The following TCF4 variants were observed in gnomAD, a reference collection of about 807,000 sequenced individuals.
TCF4 encodes transcription factor 4.
A neutral mutation model predicts 82.1 loss-of-function variants in TCF4; 3 were observed. That is an observed-to-expected ratio of 0.04 (90% CI 0.02 to 0.09). The LOEUF (loss-of-function observed/expected upper bound fraction) is 0.09, where lower values mean the gene tolerates loss of function less well. Among genes scored for constraint, TCF4 ranks in the 10% least tolerant of loss-of-function variants. The pLI, the probability that TCF4 is intolerant of heterozygous loss-of-function variation, is 1.00. For synonymous variants in TCF4, 276 were observed against 309.6 expected (o/e 0.89, Z 1.14); for missense variants, 518 against 852.7 (o/e 0.61, Z 4.89).
intron 9 of TCF4, 115 bp from the exon 10 acceptor site, chr18:55,275,867 G>C: frequency 7.5e-7 from 1 of 1,341,466 alleles, no homozygotes; most frequent in Non-Finnish European, 1.1e-6. Context: ...TCTTTGTGTT[G>C]GTTAGCTGAT....
At chr18:55,345,452 AG>A (rs929793275) in intron 8 of TCF4, among the ~76,000 whole-genome samples, 3 of 152,162 alleles carry the variant, frequency 2.0e-5, no homozygotes, top group Non-Finnish European at 4.4e-5. Context: ...TTGTGTGAAT[AG>A]TTTTGTCCTA....
chr18:55,291,539 G>A (rs913378105), intron 8 of TCF4, among the ~76,000 whole-genome samples: 4 of 151,968 alleles, frequency 2.6e-5, no homozygotes, highest in African/African-American at 9.7e-5. Context: ...TCTTTTTTCT[G>A]TCAAAACATA....
intron 8 of TCF4, among the ~76,000 whole-genome samples, chr18:55,290,528 G>A (rs1188593876): frequency 6.6e-6 from 1 of 152,124 alleles, no homozygotes. Flanking sequence ...AGCAGAGAAG[G>A]TATGAGGGTA....
chr18:55,505,238 C>T (rs889290696), intron 3 of TCF4, among the ~76,000 whole-genome samples: 1 of 152,154 alleles, frequency 6.6e-6, no homozygotes, highest in Non-Finnish European at 1.5e-5. Flanking sequence ...GCGCTAATTT[C>T]ACAAGAAAAT....
At chr18:55,541,627 A>G (rs183854794) in intron 3 of TCF4, among the ~76,000 whole-genome samples, 1 of 152,140 alleles carries the variant, frequency 6.6e-6, no homozygotes, top group East Asian at 1.9e-4. Context: ...AAATTTACTT[A>G]TAAAAGATCA....
Position 55,227,930 on chromosome 18 carries a change from C to T in TCF4, c.*105G>A, listed in dbSNP as rs2046815590. The T allele has an allele frequency of 2.9e-6, 1 of 346,308 alleles. No homozygotes were observed. Among genetic ancestry groups the T allele is most frequent in the African/African-American group, 2.1e-5 (1 of 47,424 alleles). The allele number at this position is 346,308 out of a possible 1,614,324, so 21.5% of individuals were successfully genotyped here. ...AACTACTCAGACTTGTCTTATATTA[C>T]AAAAATGGGGGTTAAGGAGAAGTGT... On this transcript the variant is annotated 3_prime_UTR_variant, in exon 20 of 20. Transcript: ENST00000354452.
chr18:55,386,392 A>G (rs1295138375), intron 6 of TCF4, among the ~76,000 whole-genome samples: 8 of 152,194 alleles, frequency 5.3e-5, no homozygotes, highest in Admixed American at 5.2e-4. Context: ...TAGTACTAGA[A>G]TGGGTATCTT....
At chr18:55,376,761 G>A (rs367633866) in intron 6 of TCF4, among the ~76,000 whole-genome samples, 35 of 152,304 alleles carry the variant, frequency 2.3e-4, no homozygotes, top group Middle Eastern at 3.4e-3. Flanking sequence ...TTTGATGGCT[G>A]TAGGAAAACT....
chr18:55,306,390 G>T (rs2070346248), intron 8 of TCF4, among the ~76,000 whole-genome samples: 1 of 152,166 alleles, frequency 6.6e-6, no homozygotes, highest in South Asian at 2.1e-4. Flanking sequence ...ATGAATTCAA[G>T]ATGGTGGCTA....
At chr18:55,344,973 C>A (rs1298328117) in intron 8 of TCF4, among the ~76,000 whole-genome samples, 2 of 152,096 alleles carry the variant, frequency 1.3e-5, no homozygotes, top group Middle Eastern at 3.2e-3. Flanking sequence ...ACACCAGAAG[C>A]CTTCTTTCTT....
chr18:55,386,957 A>C (rs2092658411), intron 6 of TCF4, among the ~76,000 whole-genome samples: 1 of 152,248 alleles, frequency 6.6e-6, no homozygotes, highest in Non-Finnish European at 1.5e-5. Flanking sequence ...TTCCTCTTAA[A>C]GACTCGGATA....
chr18:55,535,568 T>C (rs749940595), intron 3 of TCF4, among the ~76,000 whole-genome samples: 9 of 152,254 alleles, frequency 5.9e-5, no homozygotes, highest in Non-Finnish European at 1.3e-4. Flanking sequence ...CTCTTTTCAT[T>C]GTCTGTGAAC....
intron 3 of TCF4, among the ~76,000 whole-genome samples, chr18:55,575,581 T>G (rs1414288768): frequency 2.6e-5 from 4 of 152,058 alleles, no homozygotes; most frequent in Admixed American, 6.5e-5. Flanking sequence ...CATAAATTTT[T>G]TTTTTTACTC....
chr18:55,340,032 G>C (rs1433885177), intron 8 of TCF4, among the ~76,000 whole-genome samples: 1 of 152,188 alleles, frequency 6.6e-6, no homozygotes, highest in Admixed American at 6.5e-5. Flanking sequence ...GCCAGGCAAA[G>C]CTAATATCTT....
chr18:55,634,301 A>C (rs1054846349), intron 1 of TCF4, among the ~76,000 whole-genome samples: 4 of 152,006 alleles, frequency 2.6e-5, no homozygotes, highest in East Asian at 3.9e-4. Context: ...AAAAAAAAAA[A>C]CTAGAATTTA....
intron 3 of TCF4, among the ~76,000 whole-genome samples, chr18:55,507,273 T>C (rs1171992485): frequency 1.3e-5 from 2 of 152,196 alleles, no homozygotes; most frequent in Non-Finnish European, 2.9e-5. Flanking sequence ...GGGGCCATAG[T>C]TAAGTCAAAA....
chr18:55,418,568 T>A (rs2094603861), intron 5 of TCF4, among the ~76,000 whole-genome samples: 1 of 152,194 alleles, frequency 6.6e-6, no homozygotes, highest in Non-Finnish European at 1.5e-5. Context: ...CAAATGAGCT[T>A]CCTCATAATC....
At chr18:55,614,817 A>G (rs1368990446) in intron 2 of TCF4, among the ~76,000 whole-genome samples, 1 of 152,182 alleles carries the variant, frequency 6.6e-6, no homozygotes, top group Non-Finnish European at 1.5e-5. Context: ...ATGGTATCCA[A>G]TAAATCTTTG....
chr18:55,401,230 T>G, intron 6 of TCF4: 6 of 1,192,372 alleles, frequency 5.0e-6, no homozygotes, highest in Non-Finnish European at 4.2e-6. Context: ...TTTTTCATCT[T>G]CAGTCCCTAT....
Sources: gnomAD v4.1 joint callset for allele counts (sites outside exome capture counted in the v4.1 genomes callset) on GRCh38, gnomAD v4.1.1 for gene constraint, MANE v1.5 for transcripts, NCBI Gene and HGNC (gene_info 2026-07-23, HGNC 2026-07-21) for gene names.